The following ACOT7 variants were observed in gnomAD, a reference collection of about 807,000 sequenced individuals.
ACOT7 encodes cytosolic acyl coenzyme A thioester hydrolase.
A neutral mutation model predicts 40.2 loss-of-function variants in ACOT7; 12 were observed. The ratio of observed to expected loss-of-function variants is 0.30; its 90% CI spans 0.19 to 0.48. The LOEUF (loss-of-function observed/expected upper bound fraction) is 0.48. Among genes scored for constraint, ACOT7 ranks in the 20% least tolerant of loss-of-function variants. The pLI, the probability that ACOT7 is intolerant of heterozygous loss-of-function variation, is 0.99. For synonymous variants in ACOT7, 228 were observed against 219.5 expected (o/e 1.04, Z -0.34); for missense variants, 395 against 530.8 (o/e 0.74, Z 2.51).
intron 1 of ACOT7, among the ~76,000 whole-genome samples, chr1:6,382,562 A>G (rs892318030): frequency 2.6e-5 from 4 of 151,956 alleles, no homozygotes; most frequent in Admixed American, 1.3e-4. Flanking sequence ...CTGTAATCCC[A>G]GCACTTTAGG....
rs555879922 is a variant in ACOT7 at position 6,299,197 on chromosome 1, C to T, written c.713-4217G>A. The stretch of plus-strand genomic sequence containing the variant: ...GTCTGTCAGGCAGAGGAGGTGACGG[C>T]GCCCACAGGCAAGGTGACTGAGGAG... On this transcript the variant is annotated intron_variant, in intron 6 of 8. Transcript: ENST00000361521. The surrounding 1 kb of genome is among the most constrained non-coding windows in gnomAD (Gnocchi z 4.1). Among the ~76,000 whole-genome samples, 2 of 152,316 alleles carry T rather than the reference C, an allele frequency of 1.3e-5. No homozygotes were observed. Among genetic ancestry groups the T allele is most frequent in the Admixed American group, 1.3e-4 (2 of 15,300 alleles).
At chr1:6,315,877 T>C (rs1395951247) in intron 6 of ACOT7, among the ~76,000 whole-genome samples, 1 of 151,816 alleles carries the variant, frequency 6.6e-6, no homozygotes, top group African/African-American at 2.4e-5. Flanking sequence ...CCATTATTCC[T>C]AATACACATC....
chr1:6,381,294 T>C (rs1239274056), intron 1 of ACOT7, among the ~76,000 whole-genome samples: 1 of 151,174 alleles, frequency 6.6e-6, no homozygotes, highest in Admixed American at 6.6e-5. Flanking sequence ...TTCAAGTATA[T>C]GAATAAATAT....
In ACOT7 at chr1:6,289,814, G is replaced by T. The variant is rs1639614058; in HGVS notation, c.829+5050C>A. On this transcript the variant is annotated intron_variant, in intron 7 of 8. Transcript: ENST00000361521. The surrounding 1 kb of genome is among the most constrained non-coding windows in gnomAD (Gnocchi z 4.6). Reference sequence around the variant, plus strand: ...TAAGTAGCCAAAACTACAGGCTTGAGCCATCGTGCCCAGGCCCAGCTATTT... The same window carrying T: ...TAAGTAGCCAAAACTACAGGCTTGATCCATCGTGCCCAGGCCCAGCTATTT... Among the ~76,000 whole-genome samples, 1 of 152,178 alleles carries T rather than the reference G, an allele frequency of 6.6e-6. No homozygotes were observed. Among genetic ancestry groups the T allele is most frequent in the Non-Finnish European group, 1.5e-5 (1 of 68,044 alleles).
intron 1 of ACOT7, among the ~76,000 whole-genome samples, chr1:6,375,006 G>A (rs563411842): frequency 5.2e-4 from 79 of 152,052 alleles, no homozygotes; most frequent in African/African-American, 1.9e-3. Context: ...GGCCGGGCGC[G>A]GTGGCTCACA....
At chr1:6,357,378 TGGGGTATAGGCAGGTCA>T (rs1641775466) in intron 1 of ACOT7, among the ~76,000 whole-genome samples, 1 of 152,220 alleles carries the variant, frequency 6.6e-6, no homozygotes, top group Non-Finnish European at 1.5e-5. Context: ...GGTAAGGGTC[TGGGGTATAGGCAGGTCA>T]GGCCCACACG....
intron 1 of ACOT7, among the ~76,000 whole-genome samples, chr1:6,363,006 A>G (rs1319419969): frequency 6.6e-6 from 1 of 152,206 alleles, no homozygotes; most frequent in East Asian, 1.9e-4. Context: ...TATATAAAAC[A>G]GTAAGAATTA....
rs370145312 is a variant in ACOT7 at position 6,355,389 on chromosome 1, G to A, written c.144-5523C>T. On this transcript the variant is annotated intron_variant, in intron 1 of 8. Transcript: ENST00000361521. The surrounding 1 kb of genome is among the most constrained non-coding windows in gnomAD (Gnocchi z 5.0). ...ATAACGCAGGACATGGGCCAGCGCCGAGATGTCCACATAAGGACATAAAAG... is the reference window on the plus strand; with the variant it reads ...ATAACGCAGGACATGGGCCAGCGCCAAGATGTCCACATAAGGACATAAAAG... 5.9e-5 allele frequency among the ~76,000 whole-genome samples: 9 copies of A among 152,182 alleles called. No homozygotes were observed. The highest frequency in any genetic ancestry group is 1.0e-4 in the Non-Finnish European group (7 of 68,044).
intron 7 of ACOT7, among the ~76,000 whole-genome samples, chr1:6,292,372 G>T (rs927825707): frequency 2.0e-4 from 30 of 152,242 alleles, no homozygotes; most frequent in African/African-American, 6.0e-4. Context: ...CCCTCACTGC[G>T]TGAAGGAAGC....
At chr1:6,389,815 T>A (rs1435218261) in intron 1 of ACOT7, among the ~76,000 whole-genome samples, 3 of 151,514 alleles carry the variant, frequency 2.0e-5, no homozygotes, top group African/African-American at 7.3e-5. Context: ...CCCCTATCCC[T>A]TCAACAATGT....
At chr1:6,336,155 T>C (rs1641095317) in intron 3 of ACOT7, among the ~76,000 whole-genome samples, 1 of 151,924 alleles carries the variant, frequency 6.6e-6, no homozygotes, top group African/African-American at 2.4e-5. Flanking sequence ...CCATGCTGGC[T>C]AACAGGTCTC....
Position 6,268,903 on chromosome 1 carries a change from G to A in ACOT7, c.1015-4208C>T, listed in dbSNP as rs1438695987. ...GACCACAGCCCTCCAGCCGCCGAGG[G>A]CGTGGGAGGACCACCCAACTCTGGG... is the stretch of plus-strand genomic sequence containing the variant. On this transcript the variant is annotated intron_variant, in intron 8 of 8. Coordinates refer to ENST00000361521, the MANE Select transcript of ACOT7 (RefSeq NM_007274.4). 2.6e-5 allele frequency among the ~76,000 whole-genome samples: 4 copies of A among 152,178 alleles called. No individual in the cohort carries two copies. In the South Asian group the frequency reaches 8.3e-4, roughly 31 times the overall value.
At chr1:6,385,933 A>T in intron 1 of ACOT7, 1 of 938,320 alleles carries the variant, frequency 1.1e-6, no homozygotes, top group Non-Finnish European at 1.5e-6. Flanking sequence ...ACTCACAGAC[A>T]GGGAAACAGG....
chr1:6,379,657 T>C (rs1642298958), intron 1 of ACOT7, among the ~76,000 whole-genome samples: 1 of 151,636 alleles, frequency 6.6e-6, no homozygotes, highest in Non-Finnish European at 1.5e-5. Context: ...AGATGGGGTC[T>C]TCCTATGTTG....
In ACOT7 at chr1:6,358,598, G is replaced by A. The variant is rs1223786043; in HGVS notation, c.144-8732C>T. Reference sequence around the variant, plus strand: ...GGTCCGTCAGGGGACCCCAGCTCACGCAGGCCTGCACTTCCTATCCCAGCT... The same window carrying A: ...GGTCCGTCAGGGGACCCCAGCTCACACAGGCCTGCACTTCCTATCCCAGCT... On this transcript the variant is annotated intron_variant, in intron 1 of 8. Coordinates refer to ENST00000361521, the MANE Select transcript of ACOT7 (RefSeq NM_007274.4). This position sits in a 1 kb window ranked among gnomAD's most constrained non-coding sequence, Gnocchi z 4.1. 6.6e-6 allele frequency among the ~76,000 whole-genome samples: 1 copy of A among 152,218 alleles called. No homozygotes were observed. Among genetic ancestry groups the A allele is most frequent in the Non-Finnish European group, 1.5e-5 (1 of 68,026 alleles).
At chr1:6,297,042 A>G (rs990146953) in intron 6 of ACOT7, among the ~76,000 whole-genome samples, 2 of 152,000 alleles carry the variant, frequency 1.3e-5, no homozygotes, top group African/African-American at 4.8e-5. Flanking sequence ...AGGACACAGA[A>G]TGATTTTTTT....
At chr1:6,339,351 G>A (rs900790440) in intron 3 of ACOT7, 82 bp downstream of exon 3, 19 of 1,591,628 alleles carry the variant, frequency 1.2e-5, no homozygotes, top group Non-Finnish European at 1.6e-5. Context: ...AGGCCCTGGA[G>A]CGTCCTCTGC....
At position 6,336,333 on chromosome 1, in the gene ACOT7, C is replaced by CAAAAAAA. The variant is rs3029068; in HGVS notation, c.419-2772_419-2766dup. Among the ~76,000 whole-genome samples the CAAAAAAA allele has an allele frequency of 5.9e-3, 313 of 52,724 alleles. 14 individuals carry two copies. Among genetic ancestry groups the CAAAAAAA allele is most frequent in the South Asian group, 0.013 (19 of 1,416 alleles). 34.6% of individuals were successfully genotyped at this position (52,724 alleles called of 152,430 possible). A position where few individuals can be genotyped will look rare whatever the true frequency, so the allele number is the denominator to read the frequency against. On this transcript the variant is annotated intron_variant, in intron 3 of 8. Transcript: ENST00000361521. ...TGCACGACAGAGCAAGACTCGGTCT[C>CAAAAAAA]AAAAAAAAAAAAAAAAAAAAAAAAA...
chr1:6,307,397 C>T (rs1353964099), intron 6 of ACOT7, among the ~76,000 whole-genome samples: 1 of 152,194 alleles, frequency 6.6e-6, no homozygotes, highest in Non-Finnish European at 1.5e-5. Context: ...CCAGGCCCTG[C>T]GCTAAGTGGG....
Sources: allele counts gnomAD v4.1 joint callset (sites outside exome capture counted in the v4.1 genomes callset), GRCh38; gene constraint gnomAD v4.1.1; non-coding constraint Gnocchi (gnomAD v3.1); transcripts MANE v1.5; gene names NCBI Gene and HGNC (gene_info 2026-07-23, HGNC 2026-07-21).